CDH19: variants seen among roughly 807,000 people sequenced by gnomAD.
CDH19 encodes the protein cadherin 19, also known as cadherin-19.
In CDH19, 67 loss-of-function variants were observed where a neutral mutation model predicts 64.2. That is an observed-to-expected ratio of 1.04 (90% CI 0.86 to 1.28). CDH19 has a LOEUF of 1.28. Ranked by LOEUF, CDH19 falls within the 50% of genes most tolerant of loss-of-function variation. The pLI is 0.00. For synonymous variants in CDH19, 346 were observed against 319.3 expected, an observed-to-expected ratio of 1.08 and a Z score of -0.89; for missense variants, 1,030 against 929.0, an observed-to-expected ratio of 1.11 and a Z score of -1.41.
intron 3 of CDH19, among the ~76,000 whole-genome samples, chr18:66,566,790 C>T (rs955872451): frequency 6.6e-6 from 1 of 151,918 alleles, no homozygotes; most frequent in Non-Finnish European, 1.5e-5. Context: ...TGCCAGCCGA[C>T]TGCTTTTTGC....
chr18:66,543,963 A>G lies in CDH19; in HGVS notation c.1214+8T>C, dbSNP rs372526203. The G allele has an allele frequency of 4.0e-4, 646 of 1,595,614 alleles. 5 individuals are homozygous for G. The highest frequency in any genetic ancestry group is 5.3e-4 in the Non-Finnish European group (618 of 1,170,188). ...TTTATTAATGCAAAACTGACCTTAC[A>G]GACATACCTGATAGGAGATTTCCTA... On this transcript the variant is annotated splice_region_variant and intron_variant, in intron 7 of 11. Coordinates refer to ENST00000262150, the MANE Select transcript of CDH19 (RefSeq NM_021153.4).
chr18:66,529,633 TAC>T (rs1396649642), intron 9 of CDH19, among the ~76,000 whole-genome samples: 1 of 148,114 alleles, frequency 6.8e-6, no homozygotes, highest in African/African-American at 2.4e-5. Flanking sequence ...CAAAAATTAT[TAC>T]ATATTATAAA....
chr18:66,517,223 A>T (rs1985776426), intron 9 of CDH19, among the ~76,000 whole-genome samples: 1 of 152,118 alleles, frequency 6.6e-6, no homozygotes, highest in Non-Finnish European at 1.5e-5. Flanking sequence ...TGAAAGGAAG[A>T]GAATCATAGA....
intron 1 of CDH19, among the ~76,000 whole-genome samples, chr18:66,574,279 A>G (rs1988200112): frequency 6.6e-6 from 1 of 151,712 alleles, no homozygotes; most frequent in Non-Finnish European, 1.5e-5. Context: ...GATTAGAAGT[A>G]ATATAAAATA....
At chr18:66,560,780 G>A (rs2144545432) in intron 3 of CDH19, among the ~76,000 whole-genome samples, 1 of 152,050 alleles carries the variant, frequency 6.6e-6, no homozygotes, top group East Asian at 1.9e-4. Context: ...CATGGTACAG[G>A]TCATATATAC....
At chr18:66,566,610 T>C (rs1176421068) in intron 3 of CDH19, among the ~76,000 whole-genome samples, 1 of 151,874 alleles carries the variant, frequency 6.6e-6, no homozygotes, top group Non-Finnish European at 1.5e-5. Context: ...CTGTTGTACT[T>C]ATCAAAAAAC....
chr18:66,540,106 C>A (rs186627607), intron 7 of CDH19, among the ~76,000 whole-genome samples: 2 of 151,974 alleles, frequency 1.3e-5, no homozygotes, highest in Non-Finnish European at 2.9e-5. Flanking sequence ...TGCCCCTTGG[C>A]CTTTCTCGAT....
intron 7 of CDH19, among the ~76,000 whole-genome samples, chr18:66,536,978 C>A (rs895931479): frequency 6.6e-6 from 1 of 151,790 alleles, no homozygotes; most frequent in African/African-American, 2.4e-5. Context: ...TCCCACTAAT[C>A]CAATTAAAAA....
At chr18:66,576,675 A>G (rs949975921) in intron 1 of CDH19, among the ~76,000 whole-genome samples, 7 of 151,630 alleles carry the variant, frequency 4.6e-5, no homozygotes, top group African/African-American at 1.4e-4. Context: ...AGAAACACAC[A>G]AATCTATAAT....
At position 66,600,973 on chromosome 18, in the gene CDH19, C is replaced by G. The variant is rs74647231; in HGVS notation, c.-113+2981G>C. 3.3e-4 allele frequency among the ~76,000 whole-genome samples: 50 copies of G among 151,934 alleles called. No individual in the cohort carries two copies. In the East Asian group the frequency reaches 7.2e-3, roughly 22 times the overall value. On this transcript the variant is annotated intron_variant, in intron 1 of 11. Transcript: ENST00000262150. ...TAGCCCATTTATTTCTCATCAAATACTATGGGGGAAGAGTTACATTTTGCT... is the reference window on the plus strand; with the variant it reads ...TAGCCCATTTATTTCTCATCAAATAGTATGGGGGAAGAGTTACATTTTGCT...
chr18:66,541,442 T>C (rs1279078167), intron 7 of CDH19, among the ~76,000 whole-genome samples: 1 of 152,172 alleles, frequency 6.6e-6, no homozygotes, highest in South Asian at 2.1e-4. Flanking sequence ...TTGCATTTTA[T>C]GTTCAAATAT....
At chr18:66,602,464 TTA>T (rs1989060653) in intron 1 of CDH19, among the ~76,000 whole-genome samples, 1 of 151,940 alleles carries the variant, frequency 6.6e-6, no homozygotes, top group Non-Finnish European at 1.5e-5. Context: ...AAAAATTTTT[TTA>T]TGTTTCTTGA....
intron 3 of CDH19, among the ~76,000 whole-genome samples, chr18:66,558,758 T>G (rs866568540): frequency 6.6e-6 from 1 of 152,088 alleles, no homozygotes; most frequent in African/African-American, 2.4e-5. Context: ...AATTGTCTTA[T>G]AGTGCCCCTT....
chr18:66,552,430 A>T (rs1313464300), intron 4 of CDH19, among the ~76,000 whole-genome samples: 1 of 152,052 alleles, frequency 6.6e-6, no homozygotes, highest in East Asian at 1.9e-4. Flanking sequence ...GATAAATTAG[A>T]CCATAACATG....
chr18:66,524,414 A>G (rs1245109773), intron 9 of CDH19, among the ~76,000 whole-genome samples: 8 of 151,750 alleles, frequency 5.3e-5, no homozygotes, highest in African/African-American at 1.9e-4. Flanking sequence ...ATAACAACAT[A>G]TTGTATACTT....
intron 3 of CDH19, among the ~76,000 whole-genome samples, chr18:66,556,860 A>G (rs1987538653): frequency 6.6e-6 from 1 of 151,952 alleles, no homozygotes; most frequent in East Asian, 1.9e-4. Flanking sequence ...AAAAACTACT[A>G]TGAAATATCA....
rs1429151748 is a variant in CDH19, at chr18:66,544,879, T to C, written c.800A>G (p.Glu267Gly). Residue 267 changes from glutamate (E) to glycine (G), a missense_variant, in exon 6 of 12, where the codon GAA (glutamate) becomes GGA (glycine). By Grantham distance (98) the Glu-to-Gly change is moderately conservative. Coordinates refer to ENST00000262150, the MANE Select transcript of CDH19 (RefSeq NM_021153.4). Reference sequence around the variant, plus strand: ...TATAGAAGTCCCAGTGGGTGCAGATTCAGAGACAGTCAAGCGGTATAAACC... The same window carrying C: ...TATAGAAGTCCCAGTGGGTGCAGATCCAGAGACAGTCAAGCGGTATAAACC... ...KESLYRLTVS[E>G]SAPTGTSIGT... The C allele has an allele frequency of 1.2e-6, 2 of 1,609,768 alleles. No homozygotes were observed. The highest frequency in any genetic ancestry group is 1.7e-5 in the Admixed American group (1 of 59,372).
At chr18:66,565,150 A>G (rs149401139) in intron 3 of CDH19, among the ~76,000 whole-genome samples, 2 of 151,950 alleles carry the variant, frequency 1.3e-5, no homozygotes, top group Non-Finnish European at 2.9e-5. Flanking sequence ...TGGATGGCAG[A>G]AAAATAGTAA....
Position 66,521,916 on chromosome 18 carries a change from C to T in CDH19, c.1458+7929G>A, listed in dbSNP as rs370144170. Among the ~76,000 whole-genome samples the T allele has an allele frequency of 5.4e-5, 6 of 111,514 alleles. No homozygotes were observed. The South Asian group carries it at 1.6e-3, about 30-fold the overall frequency. The allele number at this position is 111,514 out of a possible 152,430, so 73.2% of individuals were successfully genotyped here. ...TACAGGGTTTATGTAGTTACTTGTT[C>T]TGTTGTTGTTGTTGTTGTTGTTGTT... On this transcript the variant is annotated intron_variant, in intron 9 of 11. Coordinates refer to ENST00000262150, the MANE Select transcript of CDH19 (RefSeq NM_021153.4).
Sources: allele counts gnomAD v4.1 joint callset (sites outside exome capture counted in the v4.1 genomes callset), GRCh38; gene constraint gnomAD v4.1.1; transcripts MANE v1.5; gene names NCBI Gene and HGNC (gene_info 2026-07-23, HGNC 2026-07-21).